FRMPD1: variants seen among roughly 807,000 people sequenced by gnomAD.
The protein encoded by FRMPD1 is FERM and PDZ domain-containing protein 1.
FRMPD1 carries 76 observed loss-of-function variants against 117.8 expected under a neutral mutation model. The ratio of observed to expected loss-of-function variants is 0.65; its 90% CI spans 0.54 to 0.78. The LOEUF is 0.78. FRMPD1 is among the 30% of genes least tolerant of loss of function. FRMPD1 has a pLI of 0.00. For missense variants in FRMPD1, 1,786 were observed against 1,964.5 expected, an observed-to-expected ratio of 0.91 and a Z score of 1.72; for synonymous variants, 783 against 770.4, an observed-to-expected ratio of 1.02 and a Z score of -0.27.
intron 1 of FRMPD1, 50 bp downstream of exon 1, chr9:37,651,144 C>G (rs1390341345): frequency 1.3e-5 from 2 of 152,944 alleles, no homozygotes; most frequent in Non-Finnish European, 2.9e-5. Flanking sequence ...CGGCCTGTCC[C>G]CACACCCCGG....
chr9:37,700,602 A>G (rs1822496107), intron 2 of FRMPD1, among the ~76,000 whole-genome samples: 1 of 152,244 alleles, frequency 6.6e-6, no homozygotes, highest in Non-Finnish European at 1.5e-5. Context: ...GCCAGAGAAT[A>G]TGTGAAGTGC....
intron 1 of FRMPD1, among the ~76,000 whole-genome samples, chr9:37,671,432 G>A (rs757305745): frequency 1.3e-5 from 2 of 152,164 alleles, no homozygotes; most frequent in Admixed American, 6.5e-5. Flanking sequence ...TGGCTAGTTA[G>A]CACCATTGAT....
chr9:37,690,356 T>C (rs10973489), intron 1 of FRMPD1, among the ~76,000 whole-genome samples: 2,534 of 152,258 alleles, frequency 0.017, 68 homozygotes, highest in African/African-American at 0.057. Flanking sequence ...TTCATGAATA[T>C]AATACTTTAT....
chr9:37,741,970 C>T (rs555673489), intron 15 of FRMPD1, among the ~76,000 whole-genome samples: 1 of 152,338 alleles, frequency 6.6e-6, no homozygotes, highest in African/African-American at 2.4e-5. Context: ...TCTTGCATTA[C>T]CTGGGGCTCT....
chr9:37,705,135 A>G (rs1229956094), intron 2 of FRMPD1, among the ~76,000 whole-genome samples: 1 of 151,836 alleles, frequency 6.6e-6, no homozygotes, highest in Non-Finnish European at 1.5e-5. Context: ...CTGCATCTCC[A>G]CTAAACTTAT....
chr9:37,743,878 G>A (rs1247241283), intron 15 of FRMPD1, among the ~76,000 whole-genome samples: 1 of 150,642 alleles, frequency 6.6e-6, no homozygotes, highest in Non-Finnish European at 1.5e-5. Context: ...CTGGGGGACA[G>A]AGTGAGACCC....
the FRMPD1 span, among the ~76,000 whole-genome samples, chr9:37,633,953 G>A: frequency 6.6e-6 from 1 of 152,200 alleles, no homozygotes; most frequent in African/African-American, 2.4e-5. Flanking sequence ...TTTAACAACA[G>A]TGTTTAAAAA....
At chr9:37,650,364 G>C (rs911948763), upstream of FRMPD1, among the ~76,000 whole-genome samples, 4 of 152,186 alleles carry the variant, frequency 2.6e-5, no homozygotes, top group African/African-American at 7.2e-5. Context: ...CAAGGAGACC[G>C]AGGGAGTGGC....
the FRMPD1 span, among the ~76,000 whole-genome samples, chr9:37,611,971 G>T: frequency 6.6e-6 from 1 of 152,138 alleles, no homozygotes; most frequent in Non-Finnish European, 1.5e-5. Flanking sequence ...ATCAGCCTGG[G>T]TATAATAGGC....
the FRMPD1 span, among the ~76,000 whole-genome samples, chr9:37,636,303 G>A: frequency 3.7e-4 from 57 of 152,322 alleles, no homozygotes; most frequent in East Asian, 3.1e-3. Context: ...GAGACCCTCA[G>A]CTCTTGGGCA....
intron 1 of FRMPD1, among the ~76,000 whole-genome samples, chr9:37,651,576 T>G (rs1240865780): frequency 6.6e-6 from 1 of 152,230 alleles, no homozygotes; most frequent in Non-Finnish European, 1.5e-5. Flanking sequence ...CAGAACTCAT[T>G]GCGTGTGGAG....
At chr9:37,743,478 A>G (rs1219307412) in intron 15 of FRMPD1, among the ~76,000 whole-genome samples, 1 of 130,622 alleles carries the variant, frequency 7.7e-6, no homozygotes, top group African/African-American at 2.9e-5. Flanking sequence ...AGGATTCCCT[A>G]CCTGTATTAT....
intron 1 of FRMPD1, among the ~76,000 whole-genome samples, chr9:37,666,916 A>C (rs1042245202): frequency 2.0e-5 from 3 of 152,094 alleles, no homozygotes; most frequent in African/African-American, 7.2e-5. Flanking sequence ...TTCCTCACTG[A>C]GGCCCTTTGC....
chr9:37,709,812 C>A (rs1363781675), intron 4 of FRMPD1, among the ~76,000 whole-genome samples: 1 of 152,094 alleles, frequency 6.6e-6, no homozygotes, highest in African/African-American at 2.4e-5. Flanking sequence ...CAGAAAAGTT[C>A]TAGGAAGTGA....
chr9:37,674,568 A>G (rs1821460589), intron 1 of FRMPD1, among the ~76,000 whole-genome samples: 1 of 152,140 alleles, frequency 6.6e-6, no homozygotes, highest in African/African-American at 2.4e-5. Context: ...TTACTGTATT[A>G]GTCTGTTTTC....
intron 1 of FRMPD1, among the ~76,000 whole-genome samples, chr9:37,673,549 C>G (rs1167326564): frequency 6.6e-6 from 1 of 152,198 alleles, no homozygotes; most frequent in Non-Finnish European, 1.5e-5. Context: ...TAGGCAGTGC[C>G]CCAGTAGGGA....
intron 5 of FRMPD1, among the ~76,000 whole-genome samples, chr9:37,717,506 A>G (rs1823200612): frequency 6.6e-6 from 1 of 151,154 alleles, no homozygotes; most frequent in Admixed American, 6.6e-5. Flanking sequence ...CAGCCCCCCG[A>G]GTAGCTAGGA....
intron 1 of FRMPD1, among the ~76,000 whole-genome samples, chr9:37,654,658 G>T (rs568760764): frequency 6.6e-6 from 1 of 152,294 alleles, no homozygotes; most frequent in Admixed American, 6.5e-5. Context: ...TTCAATTGAG[G>T]GTGAGAGAAG....
the FRMPD1 span, chr9:37,636,967 A>G: frequency 3.1e-6 from 5 of 1,591,934 alleles, no homozygotes; most frequent in Non-Finnish European, 4.3e-6. Context: ...TCTCGCTGGC[A>G]TGGCGGTCAA....
Sources: allele counts gnomAD v4.1 joint callset (sites outside exome capture counted in the v4.1 genomes callset), GRCh38; gene constraint gnomAD v4.1.1; transcripts MANE v1.5; gene names NCBI Gene and HGNC (gene_info 2026-07-23, HGNC 2026-07-21).